The following MYO9B variants were observed in gnomAD, a reference collection of about 807,000 sequenced individuals.
MYO9B encodes myosin IXB, also known as unconventional myosin-IXb.
A neutral mutation model predicts 229.5 loss-of-function variants in MYO9B; 71 were observed. The observed-to-expected ratio is 0.31, with a 90% confidence interval of 0.26 to 0.38. The LOEUF is 0.38. Ranked by LOEUF, MYO9B falls within the 10% of genes least tolerant of loss-of-function variation. The pLI is 1.00. For missense variants in MYO9B, 2,255 were observed against 2,920.5 expected (o/e 0.77, Z 5.25); for synonymous variants, 1,185 against 1,235.8 (o/e 0.96, Z 0.86).
At chr19:17,089,457 C>T (rs572288572) in intron 1 of MYO9B, among the ~76,000 whole-genome samples, 172 of 152,322 alleles carry the variant, frequency 1.1e-3, no homozygotes, top group East Asian at 2.7e-3. Context: ...GAAACGGCTA[C>T]GCCACACTTT....
intron 30 of MYO9B, among the ~76,000 whole-genome samples, chr19:17,204,414 T>TCC (rs2073138484): frequency 6.7e-6 from 1 of 150,214 alleles, no homozygotes; most frequent in African/African-American, 2.4e-5. Flanking sequence ...ATGTCACAGG[T>TCC]CCCCACAAAC....
intron 2 of MYO9B, among the ~76,000 whole-genome samples, chr19:17,116,525 C>T (rs8101673): frequency 0.39 from 58,920 of 151,942 alleles, 12,521 homozygotes; most frequent in African/African-American, 0.54. Flanking sequence ...CGGAGTCAGG[C>T]GGCTGGGAAC....
rs563224717 is a variant in MYO9B at position 17,086,869 on chromosome 19, G to C, written c.-59+10995G>C. On this transcript the variant is annotated intron_variant, in intron 1 of 39. Transcript: ENST00000682292. Reference sequence around the variant, plus strand: ...CACTTCAGCCTGGAAAACAGAGCAAGACTTCGTCTCAAAAAAAAAAAAAGT... The same window carrying C: ...CACTTCAGCCTGGAAAACAGAGCAACACTTCGTCTCAAAAAAAAAAAAAGT... Among the ~76,000 whole-genome samples the C allele has an allele frequency of 5.5e-5, 6 of 109,144 alleles. No homozygotes were observed. The East Asian group carries it at 1.3e-3, about 24-fold the overall frequency. The allele number at this position is 109,144 out of a possible 152,430, so 71.6% of individuals were successfully genotyped here. A position where few individuals can be genotyped will look rare whatever the true frequency, so the allele number is the denominator to read the frequency against.
chr19:17,162,950 C>A (rs780772172), intron 9 of MYO9B, 38 bp from the exon 10 acceptor site: 17 of 1,593,686 alleles, frequency 1.1e-5, no homozygotes, highest in Middle Eastern at 1.9e-4. Flanking sequence ...CCTCGGGGTG[C>A]ACCTGCGGGC....
chr19:17,160,510 C>CTTTTTTTT (rs34857957), intron 8 of MYO9B, among the ~76,000 whole-genome samples: 4 of 128,160 alleles, frequency 3.1e-5, no homozygotes, highest in Admixed American at 8.3e-5. Flanking sequence ...TCTTTTTTTT[C>CTTTTTTTT]TTTTTTTTTT....
At chr19:17,164,242 A>G (rs1286193928) in intron 10 of MYO9B, among the ~76,000 whole-genome samples, 1 of 152,202 alleles carries the variant, frequency 6.6e-6, no homozygotes, top group East Asian at 1.9e-4. Context: ...GCCCAGGATG[A>G]GGCAAATGTC....
In MYO9B at chr19:17,200,848, G is replaced by GTGGATCATCT; in HGVS notation, c.4563+19_4563+20insTGGATCATCT. 6.2e-7 allele frequency: 1 copy of GTGGATCATCT among 1,609,622 alleles called. No individual in the cohort carries two copies. Among genetic ancestry groups the GTGGATCATCT allele is most frequent in the South Asian group, 1.1e-5 (1 of 90,888 alleles). On this transcript the variant is annotated intron_variant, in intron 26 of 39. Coordinates refer to ENST00000682292, the MANE Select transcript of MYO9B (RefSeq NM_004145.4). Reference sequence around the variant, plus strand: ...CAACAAGGTGGGATCACTAGGCGAGGGCCAGGGGCATGAGGCCCGGTCCCC... The same window carrying GTGGATCATCT: ...CAACAAGGTGGGATCACTAGGCGAGGTGGATCATCTGCCAGGGGCATGAGGCCCGGTCCCC...
chr19:17,153,003 A>C (rs547590744), intron 4 of MYO9B, among the ~76,000 whole-genome samples: 1 of 152,276 alleles, frequency 6.6e-6, no homozygotes, highest in Admixed American at 6.5e-5. Context: ...TTTCTCAAGC[A>C]TGGTAGCACG....
At chr19:17,198,582 A>G (rs2073072493) in intron 24 of MYO9B, among the ~76,000 whole-genome samples, 1 of 151,940 alleles carries the variant, frequency 6.6e-6, no homozygotes, top group Admixed American at 6.6e-5. Flanking sequence ...TAAAAATACA[A>G]AAATTAGTTG....
At chr19:17,077,756 C>A (rs1169729811) in intron 1 of MYO9B, among the ~76,000 whole-genome samples, 1 of 152,206 alleles carries the variant, frequency 6.6e-6, no homozygotes, top group African/African-American at 2.4e-5. Flanking sequence ...CCTCACAGCA[C>A]CCCCACTCTC....
intron 19 of MYO9B, among the ~76,000 whole-genome samples, 154 bp downstream of exon 19, chr19:17,188,199 C>G (rs1282006008): frequency 2.0e-5 from 3 of 152,028 alleles, no homozygotes; most frequent in Admixed American, 2.0e-4. Flanking sequence ...GAGGCTGAGG[C>G]AGGCGGATCA....
chr19:17,155,554 G>C, intron 6 of MYO9B, among the ~76,000 whole-genome samples: 1 of 152,166 alleles, frequency 6.6e-6, no homozygotes, highest in East Asian at 1.9e-4. Flanking sequence ...AAGGCAGGAA[G>C]ATCGCTTGAG....
chr19:17,108,531 T>C (rs1329870066), intron 2 of MYO9B, among the ~76,000 whole-genome samples: 1 of 151,992 alleles, frequency 6.6e-6, no homozygotes, highest in Non-Finnish European at 1.5e-5. Flanking sequence ...CCCCAGACAT[T>C]TCATTGATTA....
chr19:17,184,619 C>T, intron 16 of MYO9B: 1 of 444,618 alleles, frequency 2.2e-6, no homozygotes, highest in Non-Finnish European at 4.1e-6. Flanking sequence ...AATGGGGCAG[C>T]CACTCAGGCT....
chr19:17,196,598 G>A (rs1370062521), intron 22 of MYO9B, among the ~76,000 whole-genome samples: 1 of 151,510 alleles, frequency 6.6e-6, no homozygotes, highest in Admixed American at 6.6e-5. Flanking sequence ...CAGGAGAATC[G>A]CTTGAACCTG....
chr19:17,092,482 T>A (rs192654027), intron 1 of MYO9B, among the ~76,000 whole-genome samples: 19 of 152,302 alleles, frequency 1.2e-4, no homozygotes, highest in African/African-American at 4.6e-4. Flanking sequence ...TATGGAAGTA[T>A]ATGCTGGGCG....
rs182562573 is a variant in MYO9B at position 17,116,121 on chromosome 19, C to T, written c.840+13564C>T. ...GTTCCCTCCTTGCCTTGAACCCCCT[C>T]ACAGGGCTGAACATCAGCAGGCCCC... On this transcript the variant is annotated intron_variant, in intron 2 of 39. Coordinates refer to ENST00000682292, the MANE Select transcript of MYO9B (RefSeq NM_004145.4). Among the ~76,000 whole-genome samples, 680 of 152,308 alleles carry T rather than the reference C, an allele frequency of 4.5e-3. 2 individuals are homozygous for T. Among genetic ancestry groups the T allele is most frequent in the Non-Finnish European group, 6.9e-3 (467 of 68,022 alleles).
intron 3 of MYO9B, among the ~76,000 whole-genome samples, chr19:17,148,876 G>A (rs1277290538): frequency 6.6e-6 from 1 of 151,766 alleles, no homozygotes; most frequent in East Asian, 1.9e-4. Context: ...GAGCCACCAC[G>A]CCCGACCCCC....
At chr19:17,210,131 C>A (rs1305222862) in intron 36 of MYO9B, among the ~76,000 whole-genome samples, 1 of 152,196 alleles carries the variant, frequency 6.6e-6, no homozygotes, top group Non-Finnish European at 1.5e-5. Context: ...TCCCTTCTGA[C>A]CTGGGCCCTA....
Sources: allele counts gnomAD v4.1 joint callset (sites outside exome capture counted in the v4.1 genomes callset), GRCh38; gene constraint gnomAD v4.1.1; transcripts MANE v1.5; gene names NCBI Gene and HGNC (gene_info 2026-07-23, HGNC 2026-07-21).